The following HCRTR1 variants were observed in gnomAD, a reference collection of about 807,000 sequenced individuals.
The protein encoded by HCRTR1 is hypocretin receptor 1, also known as orexin/Hypocretin receptor type 1.
Under a neutral mutation model 40.6 loss-of-function variants are expected in HCRTR1, and 28 were observed. The ratio of observed to expected loss-of-function variants is 0.69; its 90% CI spans 0.51 to 0.95. The LOEUF (loss-of-function observed/expected upper bound fraction) is 0.95. Among genes scored for constraint, HCRTR1 ranks in the 40% least tolerant of loss-of-function variants. HCRTR1 has a pLI of 0.00. For synonymous variants in HCRTR1, 209 were observed against 230.0 expected (o/e 0.91, Z 0.83); for missense variants, 482 against 564.7 (o/e 0.85, Z 1.48).
intron 6 of HCRTR1, among the ~76,000 whole-genome samples, chr1:31,622,412 C>T (rs757849788): frequency 4.6e-5 from 7 of 152,040 alleles, no homozygotes; most frequent in Non-Finnish European, 8.8e-5. Flanking sequence ...GATGGGGACA[C>T]GGACTGGCTG....
rs1639976502 is a variant in HCRTR1, at chr1:31,626,405, G to C, written c.1088-385G>C. On this transcript the variant is annotated intron_variant, in intron 8 of 8. Transcript: ENST00000403528. The surrounding 1 kb of genome is among the most constrained non-coding windows in gnomAD (Gnocchi z 4.6). ...GACTGCCAAATGCAAAAGGGCTGCTGCTGCCGTCATTTTCATCATCAAAGG... is the reference window on the plus strand; with the variant it reads ...GACTGCCAAATGCAAAAGGGCTGCTCCTGCCGTCATTTTCATCATCAAAGG... Among the ~76,000 whole-genome samples the C allele has an allele frequency of 6.6e-6, 1 of 152,198 alleles. No individual in the cohort carries two copies. Among genetic ancestry groups the C allele is most frequent in the South Asian group, 2.1e-4 (1 of 4,832 alleles).
At chr1:31,624,448 C>CAAAAAAAAAAAAAAAA (rs11438872) in intron 7 of HCRTR1, among the ~76,000 whole-genome samples, 2 of 111,046 alleles carry the variant, frequency 1.8e-5, no homozygotes, top group African/African-American at 1.0e-4. Context: ...ACAGCTGTCT[C>CAAAAAAAAAAAAAAAA]AAAAAAAAAA....
At chr1:31,633,174 A>C, downstream of HCRTR1, 1 of 1,613,844 alleles carries the variant, frequency 6.2e-7, no homozygotes, top group South Asian at 1.1e-5. Context: ...ATCATGAGGC[A>C]GGTCTCATCA....
At chr1:31,631,236 G>A (rs1041936927), downstream of HCRTR1, among the ~76,000 whole-genome samples, 2 of 152,222 alleles carry the variant, frequency 1.3e-5, no homozygotes, top group Admixed American at 6.5e-5. Context: ...ATGAGGACCT[G>A]CTCTGGAGTC....
Position 31,618,771 on chromosome 1 carries a change from C to G in HCRTR1, c.-188C>G, listed in dbSNP as rs201825477. 5 of 182,610 alleles carry G rather than the reference C, an allele frequency of 2.7e-5. No homozygotes were observed. Among genetic ancestry groups the G allele is most frequent in the Non-Finnish European group, 5.7e-5 (5 of 87,936 alleles). The allele number at this position is 182,610 out of a possible 1,614,324, so 11.3% of individuals were successfully genotyped here. On this transcript the variant is annotated 5_prime_UTR_variant, in exon 2 of 9. Transcript: ENST00000403528. ...CTCGTACCAGGTTCTTGGTGAAGCA[C>G]TTGGCACGCATCGGAGCTCATTACT... is the stretch of plus-strand genomic sequence containing the variant.
In HCRTR1 at chr1:31,619,682, C is replaced by A; in HGVS notation, c.350C>A (p.Ala117Asp). Residue 117 changes from alanine to aspartate, a missense_variant, in exon 4 of 9, where the codon GCC becomes GAC. Ala to Asp is a moderately radical substitution (Grantham distance 126). Transcript: ENST00000403528. Reference sequence around the variant, plus strand: ...ACTGAGTCCTGGCTGTTCGGCCATGCCCTCTGCAAGGTCATCCCCTATCTA... The same window carrying A: ...ACTGAGTCCTGGCTGTTCGGCCATGACCTCTGCAAGGTCATCCCCTATCTA... ...DITESWLFGH[A>D]LCKVIPYLQA... 1 of 1,609,710 alleles carries A rather than the reference C, an allele frequency of 6.2e-7. No individual in the cohort carries two copies. The highest frequency in any genetic ancestry group is 8.5e-7 in the Non-Finnish European group (1 of 1,177,626).
At chr1:31,624,713 A>G (rs1477673125) in intron 7 of HCRTR1, among the ~76,000 whole-genome samples, 9 of 152,170 alleles carry the variant, frequency 5.9e-5, no homozygotes, top group Non-Finnish European at 1.2e-4. Flanking sequence ...GATGATGTCT[A>G]TGATTCATCA....
rs1320774604 is a variant in HCRTR1, at chr1:31,617,892, T to A, written c.-204+11T>A. The A allele has an allele frequency of 6.6e-6, 1 of 151,126 alleles. No homozygotes were observed. The highest frequency in any genetic ancestry group is 2.4e-5 in the African/African-American group (1 of 40,888). 9.4% of individuals were successfully genotyped at this position (151,126 alleles called of 1,614,324 possible). ...TCCCGGAGCCAACAGGTGCGGGGTG[T>A]GGGGGACCCCCAGGCCTGGGATGGG... On this transcript the variant is annotated intron_variant, in intron 1 of 8. Coordinates refer to ENST00000403528, the MANE Select transcript of HCRTR1 (RefSeq NM_001525.3).
chr1:31,619,447 GT>G, intron 3 of HCRTR1, 56 bp downstream of exon 3: 1 of 1,612,286 alleles, frequency 6.2e-7, no homozygotes, highest in Admixed American at 1.7e-5. Context: ...ATTGAAGGGG[GT>G]TGTGTGGGAG....
chr1:31,624,268 G>A (rs1255505511), intron 7 of HCRTR1, among the ~76,000 whole-genome samples: 8 of 152,138 alleles, frequency 5.3e-5, no homozygotes, highest in East Asian at 1.9e-4. Flanking sequence ...AGATCAGCCC[G>A]GGCAACATAA....
At position 31,626,349 on chromosome 1, in the gene HCRTR1, C is replaced by T. The variant is rs931204580; in HGVS notation, c.1088-441C>T. Among the ~76,000 whole-genome samples, 5 of 152,174 alleles carry T rather than the reference C, an allele frequency of 3.3e-5. No homozygotes were observed. Among genetic ancestry groups the T allele is most frequent in the Non-Finnish European group, 2.9e-5 (2 of 68,028 alleles). Reference sequence around the variant, plus strand: ...CTTTCAGGGTGCTGGGATGCTCTGGCGGACAGAGGCTGAGGCGCCCAGCAC... The same window carrying T: ...CTTTCAGGGTGCTGGGATGCTCTGGTGGACAGAGGCTGAGGCGCCCAGCAC... On this transcript the variant is annotated intron_variant, in intron 8 of 8. Transcript: ENST00000403528. This position sits in a 1 kb window ranked among gnomAD's most constrained non-coding sequence, Gnocchi z 4.6.
At position 31,617,879 on chromosome 1, in the gene HCRTR1, C is replaced by G. The variant is rs1384683625; in HGVS notation, c.-206C>G. 6.6e-6 allele frequency: 1 copy of G among 152,104 alleles called. No homozygotes were observed. The allele number at this position is 152,104 out of a possible 1,614,324, so 9.4% of individuals were successfully genotyped here. A position where few individuals can be genotyped will look rare whatever the true frequency, so the allele number is the denominator to read the frequency against. On this transcript the variant is annotated splice_region_variant and 5_prime_UTR_variant, in exon 1 of 9. Transcript: ENST00000403528. ...GAGAACGCCCGGGTCCCGGAGCCAA[C>G]AGGTGCGGGGTGTGGGGGACCCCCA...
At position 31,626,807 on chromosome 1, in the gene HCRTR1, T is replaced by C. The variant is rs142508339; in HGVS notation, c.1105T>C (p.Phe369Leu). ...CAACCAAGGCAAATTCCGGGAGCAG[T>C]TTAAGGCTGCCTTCTCCTGCTGCCT... ...NFLSGKFREQ[F>L]KAAFSCCLPG... Residue 369 changes from phenylalanine (F) to leucine (L), a missense_variant, in exon 9 of 9, where the codon TTT (phenylalanine) becomes CTT (leucine). Phe to Leu is a conservative substitution (Grantham distance 22, BLOSUM62 0). Coordinates refer to ENST00000403528, the MANE Select transcript of HCRTR1 (RefSeq NM_001525.3). This position sits in a 1 kb window ranked among gnomAD's most constrained non-coding sequence, Gnocchi z 4.6. The C allele has an allele frequency of 7.4e-6, 12 of 1,613,758 alleles. No homozygotes were observed. The highest frequency in any genetic ancestry group is 2.7e-5 in the African/African-American group (2 of 74,876).
chr1:31,621,157 C>T, intron 5 of HCRTR1, 71 bp downstream of exon 5: 1 of 1,529,692 alleles, frequency 6.5e-7, no homozygotes, highest in Non-Finnish European at 8.8e-7. Flanking sequence ...CTAGGACAGG[C>T]ATCTAGCAGG....
At chr1:31,621,387 T>C (rs2148609279) in intron 5 of HCRTR1, 90 bp from the exon 6 acceptor site, 1 of 1,017,794 alleles carries the variant, frequency 9.8e-7, no homozygotes, top group East Asian at 2.4e-5. Context: ...GGCCTTGCTT[T>C]GGCCGTAGTC....
downstream of HCRTR1, among the ~76,000 whole-genome samples, chr1:31,633,498 G>A (rs1640173121): frequency 6.6e-6 from 1 of 152,220 alleles, no homozygotes; most frequent in Non-Finnish European, 1.5e-5. Context: ...AGTATTTGCA[G>A]TTGATTTCTA....
downstream of HCRTR1, chr1:31,632,469 C>G (rs569918897): frequency 3.0e-5 from 49 of 1,614,112 alleles, no homozygotes; most frequent in Non-Finnish European, 4.2e-5. Flanking sequence ...CTGTCCTGCC[C>G]ATCGTGCCCC....
Position 31,626,785 on chromosome 1 carries a change from C to T in HCRTR1, c.1088-5C>T. The T allele has an allele frequency of 6.2e-7, 1 of 1,608,036 alleles. No individual in the cohort carries two copies. Among genetic ancestry groups the T allele is most frequent in the Non-Finnish European group, 8.5e-7 (1 of 1,176,272 alleles). ...TATGGCTGTGTCTTTTGTCTCCCAA[C>T]CAAGGCAAATTCCGGGAGCAGTTTA... On this transcript the variant is annotated splice_polypyrimidine_tract_variant and splice_region_variant and intron_variant, in intron 8 of 8. Transcript: ENST00000403528. The surrounding 1 kb of genome is among the most constrained non-coding windows in gnomAD (Gnocchi z 4.6).
chr1:31,619,065 A>G lies in HCRTR1; in HGVS notation c.-128A>G. 1.5e-6 allele frequency: 1 copy of G among 674,048 alleles called. No individual in the cohort carries two copies. Among genetic ancestry groups the G allele is most frequent in the South Asian group, 1.9e-5 (1 of 53,294 alleles). The allele number at this position is 674,048 out of a possible 1,614,324, so 41.8% of individuals were successfully genotyped here. ...CCTCCCTTCAGGAAGTTTGAGGCTGAGACCCGAAAAGACCTGGGTGCAAGC... is the reference window on the plus strand; with the variant it reads ...CCTCCCTTCAGGAAGTTTGAGGCTGGGACCCGAAAAGACCTGGGTGCAAGC... On this transcript the variant is annotated 5_prime_UTR_variant, in exon 3 of 9. Coordinates refer to ENST00000403528, the MANE Select transcript of HCRTR1 (RefSeq NM_001525.3).
Sources: gnomAD v4.1 joint callset for allele counts (sites outside exome capture counted in the v4.1 genomes callset) on GRCh38, gnomAD v4.1.1 for gene constraint, Gnocchi (gnomAD v3.1) non-coding constraint, MANE v1.5 for transcripts, NCBI Gene and HGNC (gene_info 2026-07-23, HGNC 2026-07-21) for gene names.